ICE1: variants seen among roughly 807,000 people sequenced by gnomAD.
ICE1 encodes interactor of little elongation complex ELL subunit 1.
Under a neutral mutation model 192.7 loss-of-function variants are expected in ICE1, and 64 were observed. That is an observed-to-expected ratio of 0.33 (90% confidence interval 0.27 to 0.41). The LOEUF (loss-of-function observed/expected upper bound fraction) is 0.41, where lower values mean the gene tolerates loss of function less well. Ranked by LOEUF, ICE1 falls within the 10% of genes least tolerant of loss-of-function variation. The pLI is 1.00. For missense variants in ICE1, 2,708 were observed against 2,696.0 expected, an observed-to-expected ratio of 1.00 and a Z score of -0.10; for synonymous variants, 1,010 against 984.5, an observed-to-expected ratio of 1.03 and a Z score of -0.49.
intron 15 of ICE1, among the ~76,000 whole-genome samples, chr5:5,473,050 A>T (rs1332100291): frequency 6.6e-6 from 1 of 152,210 alleles, no homozygotes; most frequent in African/African-American, 2.4e-5. Context: ...AAGAAGTTCA[A>T]ACTACTCTTT....
chr5:5,447,651 T>G, intron 8 of ICE1, 70 bp from the exon 9 acceptor site: 1 of 1,455,648 alleles, frequency 6.9e-7, no homozygotes, highest in Non-Finnish European at 9.4e-7. Flanking sequence ...GTTGCACCTG[T>G]TTTACATTTG....
intron 17 of ICE1, among the ~76,000 whole-genome samples, chr5:5,485,356 T>C (rs1282432025): frequency 1.3e-5 from 2 of 152,164 alleles, no homozygotes; most frequent in Non-Finnish European, 2.9e-5. Context: ...TTGTACTGTC[T>C]GGTTTGATAT....
intron 17 of ICE1, among the ~76,000 whole-genome samples, chr5:5,484,332 T>C (rs538040035): frequency 5.3e-5 from 8 of 152,212 alleles, no homozygotes; most frequent in Non-Finnish European, 8.8e-5. Context: ...CATGATGATA[T>C]ATTTCCTGGG....
At chr5:5,423,034 G>C (rs960882915) in intron 1 of ICE1, 35 bp downstream of exon 1, 3 of 1,309,448 alleles carry the variant, frequency 2.3e-6, no homozygotes, top group African/African-American at 1.5e-5. Flanking sequence ...GCGCGGGGGG[G>C]GACTCGGCTC....
chr5:5,464,284 G>A lies in ICE1; in HGVS notation c.4950G>A (p.Leu1650=), dbSNP rs559967898. ...IATPPRTSQP[L]SPLISSSSPS... is the part of the protein sequence containing the mutation. The stretch of plus-strand genomic sequence containing the variant: ...CACCTCCAAGGACTTCACAGCCACT[G>A]TCTCCACTGATATCGAGTTCTAGTC... Residue 1650 remains leucine (L), a synonymous_variant, in exon 13 of 19, where the codon CTG becomes CTA. Transcript: ENST00000296564. The surrounding 1 kb of genome is among the most constrained non-coding windows in gnomAD (Gnocchi z 4.0). The A allele has an allele frequency of 8.1e-6, 13 of 1,613,550 alleles. No individual in the cohort carries two copies. In the South Asian group the frequency reaches 1.3e-4, roughly 16 times the overall value.
chr5:5,434,848 T>A lies in ICE1; in HGVS notation c.85-1570T>A, dbSNP rs563094376. 2.6e-5 allele frequency among the ~76,000 whole-genome samples: 4 copies of A among 152,336 alleles called. No homozygotes were observed. In the South Asian group the frequency reaches 6.2e-4, roughly 24 times the overall value. The stretch of plus-strand genomic sequence containing the variant: ...TTAGTCTAGCCTAGTGGATGAAAAG[T>A]AAATTTTTGTTATTTTAGTTTTGCA... On this transcript the variant is annotated intron_variant, in intron 1 of 18. Coordinates refer to ENST00000296564, the MANE Select transcript of ICE1 (RefSeq NM_015325.3).
In ICE1 at chr5:5,463,746, C is replaced by T. The variant is rs762854688; in HGVS notation, c.4412C>T (p.Pro1471Leu). 1 of 1,613,890 alleles carries T rather than the reference C, an allele frequency of 6.2e-7. No individual in the cohort carries two copies. Among genetic ancestry groups the T allele is most frequent in the Non-Finnish European group, 8.5e-7 (1 of 1,179,866 alleles). ...CCAGTGACTTCTGCTGAGAAGTCCC[C>T]AGAGGCCAGTCACACTGGCCCTGCA... ...CIPVTSAEKS[P>L]EASHTGPAFQ... The change falls in exon 13 of 19, where the codon CCA (proline) becomes CTA (leucine). Residue 1471 changes from proline (P) to leucine (L), a missense_variant. Pro to Leu is a moderately conservative substitution (Grantham distance 98). Coordinates refer to ENST00000296564, the MANE Select transcript of ICE1 (RefSeq NM_015325.3).
chr5:5,447,664 C>A, intron 8 of ICE1, 57 bp from the exon 9 acceptor site: 2 of 1,491,642 alleles, frequency 1.3e-6, no homozygotes, highest in South Asian at 2.4e-5. Context: ...TACATTTGGT[C>A]TAGAATGGCT....
At chr5:5,429,321 G>A (rs1410108557) in intron 1 of ICE1, among the ~76,000 whole-genome samples, 3 of 152,114 alleles carry the variant, frequency 2.0e-5, no homozygotes, top group Non-Finnish European at 2.9e-5. Flanking sequence ...ATCAGTTTGG[G>A]GAATGATGGG....
intron 16 of ICE1, among the ~76,000 whole-genome samples, chr5:5,474,477 C>T (rs1459307772): frequency 1.3e-5 from 2 of 152,116 alleles, no homozygotes; most frequent in South Asian, 4.2e-4. Context: ...CAGATACTCA[C>T]AAAACCTAAA....
chr5:5,428,701 C>T (rs1374755928), intron 1 of ICE1, among the ~76,000 whole-genome samples: 4 of 152,182 alleles, frequency 2.6e-5, no homozygotes, highest in Non-Finnish European at 5.9e-5. Context: ...ATTGGTGCAG[C>T]TGTAGACCTA....
At position 5,443,146 on chromosome 5, in the gene ICE1, T is replaced by A. The variant is rs1738099356; in HGVS notation, c.310-22T>A. Reference sequence around the variant, plus strand: ...CAGTGACTTTCATTTTGACAATATCTGTTTTTTTTCTTTTTTTAAAGAGTT... The same window carrying A: ...CAGTGACTTTCATTTTGACAATATCAGTTTTTTTTCTTTTTTTAAAGAGTT... On this transcript the variant is annotated intron_variant, in intron 5 of 18. Transcript: ENST00000296564. The A allele has an allele frequency of 8.3e-6, 11 of 1,321,608 alleles. No individual in the cohort carries two copies. The African/African-American group carries it at 9.0e-5, about 11-fold the overall frequency. 81.9% of individuals were successfully genotyped at this position (1,321,608 alleles called of 1,614,324 possible).
In ICE1 at chr5:5,464,896, C is replaced by T; in HGVS notation, c.5562C>T (p.Ser1854=). 1 of 1,613,334 alleles carries T rather than the reference C, an allele frequency of 6.2e-7. No homozygotes were observed. The change falls in exon 13 of 19, where the codon TCC becomes TCT. Residue 1854 remains serine, a synonymous_variant. Coordinates refer to ENST00000296564, the MANE Select transcript of ICE1 (RefSeq NM_015325.3). This position sits in a 1 kb window ranked among gnomAD's most constrained non-coding sequence, Gnocchi z 4.0. ...AAAGACTGCGCCTGGACACTGGGTC[C>T]CCAGAACCAGAAACCAGGGGAGTCA... The part of the protein sequence containing the change: ...SAKRLRLDTG[S]PEPETRGVTA...
At position 5,460,960 on chromosome 5, in the gene ICE1, A is replaced by G; in HGVS notation, c.1626A>G (p.Glu542=). 6.2e-7 allele frequency: 1 copy of G among 1,614,020 alleles called. No individual in the cohort carries two copies. ...CCCTTGGCAAAAGGCCATTAAATGA[A>G]CTCATGGAATCTGAAGGAAAAACCG... The part of the protein sequence containing the change: ...SSPLGKRPLN[E]LMESEGKTVL... The change falls in exon 13 of 19, where the codon GAA becomes GAG. Residue 542 remains glutamate, a synonymous_variant. Coordinates refer to ENST00000296564, the MANE Select transcript of ICE1 (RefSeq NM_015325.3).
At chr5:5,434,188 C>T (rs949575139) in intron 1 of ICE1, among the ~76,000 whole-genome samples, 2 of 152,156 alleles carry the variant, frequency 1.3e-5, no homozygotes, top group African/African-American at 4.8e-5. Context: ...GTAGAAGTTT[C>T]ATAACATGAT....
intron 7 of ICE1, among the ~76,000 whole-genome samples, chr5:5,445,980 A>G (rs927426697): frequency 2.0e-5 from 3 of 151,418 alleles, no homozygotes; most frequent in South Asian, 2.1e-4. Flanking sequence ...CAGCCTCCCA[A>G]AGTGCTGGGA....
At chr5:5,440,355 A>C (rs1171271006) in intron 4 of ICE1, among the ~76,000 whole-genome samples, 1 of 152,242 alleles carries the variant, frequency 6.6e-6, no homozygotes, top group East Asian at 1.9e-4. Context: ...GTTATAAACT[A>C]AGCCATAAAA....
At chr5:5,480,499 C>G (rs576261684) in intron 17 of ICE1, among the ~76,000 whole-genome samples, 1 of 152,094 alleles carries the variant, frequency 6.6e-6, no homozygotes, top group Non-Finnish European at 1.5e-5. Context: ...CCACCCACCT[C>G]GGCCTCCCAA....
At chr5:5,468,720 C>A (rs1739067060) in intron 14 of ICE1, 108 bp from the exon 15 acceptor site, 2 of 617,894 alleles carry the variant, frequency 3.2e-6, no homozygotes, top group Admixed American at 4.0e-5. Flanking sequence ...TCCTCCATTG[C>A]AGGATGCCTG....
Sources: allele counts gnomAD v4.1 joint callset (sites outside exome capture counted in the v4.1 genomes callset), GRCh38; gene constraint gnomAD v4.1.1; non-coding constraint Gnocchi (gnomAD v3.1); transcripts MANE v1.5; gene names NCBI Gene and HGNC (gene_info 2026-07-23, HGNC 2026-07-21).